Variants in CCSAP observed in about 807,000 individuals in gnomAD.
CCSAP encodes the protein centriole, cilia and spindle associated protein, also known as centriole, cilia and spindle-associated protein.
A neutral mutation model predicts 25.9 loss-of-function variants in CCSAP; 17 were observed. That is an observed-to-expected ratio of 0.66 (90% confidence interval 0.45 to 0.99). CCSAP has a LOEUF of 0.99. CCSAP is among the 50% of genes least tolerant of loss of function. CCSAP has a pLI of 0.00. For missense variants in CCSAP, 339 were observed against 367.8 expected (o/e 0.92, Z 0.64); for synonymous variants, 169 against 157.1 (o/e 1.08, Z -0.57).
At chr1:229,337,678 A>AAAAAAATATATATATATATATATATAT in intron 2 of CCSAP, among the ~76,000 whole-genome samples, 8 of 65,508 alleles carry the variant, frequency 1.2e-4, no homozygotes, top group African/African-American at 4.8e-4. Context: ...CTCAAAAAAA[A>AAAAAAATATATATATATATATATATAT]ATATATATAT....
In CCSAP at chr1:229,325,189, C is replaced by T. The variant is rs1571848853; in HGVS notation, c.*46G>A. On this transcript the variant is annotated 3_prime_UTR_variant, in exon 4 of 4. Coordinates refer to ENST00000284617, the MANE Select transcript of CCSAP (RefSeq NM_145257.5). ...ATGGTTTTTGTTTTGTTTTTCCTTTCAGTCATTTACACTTTTTAAAAGAGG... is the reference window on the plus strand; with the variant it reads ...ATGGTTTTTGTTTTGTTTTTCCTTTTAGTCATTTACACTTTTTAAAAGAGG... The T allele has an allele frequency of 4.0e-6, 6 of 1,501,556 alleles. No individual in the cohort carries two copies. The highest frequency in any genetic ancestry group is 1.8e-4 in the Middle Eastern group (1 of 5,630). 93.0% of individuals were successfully genotyped at this position (1,501,556 alleles called of 1,614,324 possible).
At chr1:229,332,490 C>G (rs987039623) in intron 2 of CCSAP, among the ~76,000 whole-genome samples, 3 of 152,122 alleles carry the variant, frequency 2.0e-5, no homozygotes, top group Non-Finnish European at 4.4e-5. Context: ...GAGTTTTTTC[C>G]AAACAATAAG....
rs1406860244 is a variant in CCSAP, at chr1:229,337,717, A to ATATG, written c.367+4381_367+4382insCATA. ...TATATATACACATACATATATATATATGTATATATATATGTGTGTGTGCGT... is the reference window on the plus strand; with the variant it reads ...TATATATACACATACATATATATATATATGTGTATATATATATGTGTGTGTGCGT... On this transcript the variant is annotated intron_variant, in intron 2 of 3. Coordinates refer to ENST00000284617, the MANE Select transcript of CCSAP (RefSeq NM_145257.5). Among the ~76,000 whole-genome samples the ATATG allele has an allele frequency of 1.6e-3, 92 of 58,788 alleles. 2 individuals are homozygous for ATATG. The highest frequency in any genetic ancestry group is 3.9e-3 in the African/African-American group (78 of 20,090). 38.6% of individuals were successfully genotyped at this position (58,788 alleles called of 152,430 possible). A position where few individuals can be genotyped will look rare whatever the true frequency, so the allele number is the denominator to read the frequency against.
intron 2 of CCSAP, among the ~76,000 whole-genome samples, chr1:229,336,951 G>C (rs1658208953): frequency 6.6e-6 from 1 of 152,066 alleles, no homozygotes; most frequent in Admixed American, 6.5e-5. Context: ...TAACATTGAA[G>C]GGTTCTCCCA....
intron 2 of CCSAP, among the ~76,000 whole-genome samples, chr1:229,341,374 A>C (rs1217397357): frequency 7.2e-5 from 11 of 152,120 alleles, no homozygotes; most frequent in Admixed American, 5.9e-4. Context: ...ACCATTGGTT[A>C]CTCCAGGCTG....
intron 2 of CCSAP, among the ~76,000 whole-genome samples, chr1:229,332,345 C>T (rs534343921): frequency 6.6e-6 from 1 of 151,918 alleles, no homozygotes; most frequent in South Asian, 2.1e-4. Flanking sequence ...CCTGTGGGAC[C>T]TGATGCTATC....
intron 2 of CCSAP, chr1:229,340,769 GAAAT>G: frequency 3.9e-6 from 1 of 254,582 alleles, no homozygotes; most frequent in Admixed American, 5.4e-5. Context: ...GCTCATAGCC[GAAAT>G]TTCATCTCCT....
intron 2 of CCSAP, among the ~76,000 whole-genome samples, chr1:229,329,845 G>A (rs1289707828): frequency 6.6e-6 from 1 of 152,132 alleles, no homozygotes; most frequent in Non-Finnish European, 1.5e-5. Flanking sequence ...ACAAAAATTA[G>A]CCAGACATGG....
chr1:229,325,241 T>A lies in CCSAP; in HGVS notation c.807A>T (p.Arg269Ser). The A allele has an allele frequency of 6.2e-7, 1 of 1,600,634 alleles. No individual in the cohort carries two copies. The highest frequency in any genetic ancestry group is 8.5e-7 in the Non-Finnish European group (1 of 1,176,566). ...TGTCCACGCAAGTGTTTCTTTAAGC[T>A]CTTGCCGAATAGCACCTCATGTATT... ...MTEYMRCYSA[R>S]A is the part of the protein sequence containing the mutation. Residue 269 changes from arginine (R) to serine (S), a missense_variant, in exon 4 of 4, where the codon AGA becomes AGT. By Grantham distance (110) the Arg-to-Ser change is moderately radical (BLOSUM62 -1). Transcript: ENST00000284617.
intron 3 of CCSAP, 110 bp from the exon 4 acceptor site, chr1:229,325,521 G>T: frequency 4.4e-6 from 4 of 904,188 alleles, no homozygotes; most frequent in Non-Finnish European, 6.7e-6. Context: ...GCAGGGCAGA[G>T]TCAAGCCCTG....
intron 2 of CCSAP, chr1:229,327,560 T>A (rs1450133140): frequency 2.2e-6 from 1 of 456,174 alleles, no homozygotes; most frequent in Non-Finnish European, 4.4e-6. Flanking sequence ...AGGCATTCCC[T>A]GTGGGAAGAG....
chr1:229,331,985 G>A (rs992709960), intron 2 of CCSAP, among the ~76,000 whole-genome samples: 1 of 151,934 alleles, frequency 6.6e-6, no homozygotes, highest in African/African-American at 2.4e-5. Flanking sequence ...TGGGATTACA[G>A]GCGTGGGCCA....
rs370039600 is a variant in CCSAP at position 229,326,753 on chromosome 1, G to A, written c.621C>T (p.Ser207=). 40 of 1,614,162 alleles carry A rather than the reference G, an allele frequency of 2.5e-5. No individual in the cohort carries two copies. Among genetic ancestry groups the A allele is most frequent in the African/African-American group, 2.1e-4 (16 of 75,030 alleles). Residue 207 remains serine (S), a synonymous_variant, in exon 3 of 4, where the codon TCC becomes TCT. Coordinates refer to ENST00000284617, the MANE Select transcript of CCSAP (RefSeq NM_145257.5). ...GSQKTHNVCA[S]APVHEIHESA... The stretch of plus-strand genomic sequence containing the variant: ...CAGAGCGCACCTCGTGCACAGGAGC[G>A]GACGCACAGACGTTGTGAGTCTTCT...
rs1657818151 is a variant in CCSAP at position 229,321,266 on chromosome 1, C to T, written c.*3969G>A. On this transcript the variant is annotated 3_prime_UTR_variant, in exon 4 of 4. Coordinates refer to ENST00000284617, the MANE Select transcript of CCSAP (RefSeq NM_145257.5). ...AGAAGAGAAATCCAAAAAGAGGCCT[C>T]TACTGCCTTCATTCAAGTGTCGAGA... 2 of 152,272 alleles carry T rather than the reference C, an allele frequency of 1.3e-5. No homozygotes were observed. Among genetic ancestry groups the T allele is most frequent in the South Asian group, 4.1e-4 (2 of 4,820 alleles). The allele number at this position is 152,272 out of a possible 1,614,324, so 9.4% of individuals were successfully genotyped here.
Position 229,342,093 on chromosome 1 carries a change from G to T in CCSAP, c.367+6C>A. 1 of 1,339,116 alleles carries T rather than the reference G, an allele frequency of 7.5e-7. No homozygotes were observed. The highest frequency in any genetic ancestry group is 9.5e-7 in the Non-Finnish European group (1 of 1,047,468). The allele number at this position is 1,339,116 out of a possible 1,614,324, so 83.0% of individuals were successfully genotyped here. A position where few individuals can be genotyped will look rare whatever the true frequency, so the allele number is the denominator to read the frequency against. ...GGCCCCTCGCGCTCCCCTCCGGGCC[G>T]GGTACCTGGCAGAGCCGCGTCCTCC... On this transcript the variant is annotated splice_donor_region_variant and intron_variant, in intron 2 of 3. Transcript: ENST00000284617. This position sits in a 1 kb window ranked among gnomAD's most constrained non-coding sequence, Gnocchi z 7.5.
chr1:229,334,068 TTTTG>T lies in CCSAP; in HGVS notation c.368-7066_368-7063del, dbSNP rs112113521. On this transcript the variant is annotated intron_variant, in intron 2 of 3. Transcript: ENST00000284617. ...TGAGCATAACGTTTGCATTAGGTTT[TTTTG>T]TTTGTTTGTTTGTTTTGAGAAACAG... Among the ~76,000 whole-genome samples, 568 of 152,220 alleles carry T rather than the reference TTTTG, an allele frequency of 3.7e-3. 2 individuals carry two copies. Among genetic ancestry groups the T allele is most frequent in the Middle Eastern group, 0.024 (7 of 294 alleles).
intron 2 of CCSAP, among the ~76,000 whole-genome samples, chr1:229,337,470 T>C (rs1658217721): frequency 6.6e-6 from 1 of 151,292 alleles, no homozygotes; most frequent in African/African-American, 2.4e-5. Flanking sequence ...TTACAAAATT[T>C]CTAATTCCCA....
intron 2 of CCSAP, chr1:229,327,645 G>A (rs1020469444): frequency 6.2e-5 from 28 of 452,906 alleles, no homozygotes; most frequent in Admixed American, 4.5e-4. Context: ...CGAGGCGAGC[G>A]GATCACGAGG....
chr1:229,332,308 G>T (rs1658087407), intron 2 of CCSAP, among the ~76,000 whole-genome samples: 1 of 151,828 alleles, frequency 6.6e-6, no homozygotes, highest in Non-Finnish European at 1.5e-5. Context: ...GGGAAGGAGG[G>T]GGCAGTCTGT....
Sources: allele counts gnomAD v4.1 joint callset (sites outside exome capture counted in the v4.1 genomes callset), GRCh38; gene constraint gnomAD v4.1.1; non-coding constraint Gnocchi (gnomAD v3.1); transcripts MANE v1.5; gene names NCBI Gene and HGNC (gene_info 2026-07-23, HGNC 2026-07-21).